Variants in STXBP6 observed in about 807,000 individuals in gnomAD.
STXBP6 encodes the protein syntaxin binding protein 6, also known as syntaxin-binding protein 6.
Under a neutral mutation model 26.9 loss-of-function variants are expected in STXBP6, and 21 were observed. The observed-to-expected ratio is 0.78, with a 90% CI of 0.55 to 1.12. The LOEUF (loss-of-function observed/expected upper bound fraction) is 1.12, where lower values mean the gene tolerates loss of function less well. Ranked by LOEUF, STXBP6 falls within the 50% of genes most tolerant of loss-of-function variation. The pLI is 0.00. For synonymous variants in STXBP6, 97 were observed against 92.6 expected (o/e 1.05, Z -0.27); for missense variants, 232 against 257.9 (o/e 0.90, Z 0.69).
At chr14:24,844,179 T>C (rs1254442048) in intron 4 of STXBP6, among the ~76,000 whole-genome samples, 1 of 152,072 alleles carries the variant, frequency 6.6e-6, no homozygotes, top group African/African-American at 2.4e-5. Context: ...GCAGGGAGGG[T>C]AGCGCACCTC....
chr14:24,848,433 A>T (rs2069036209), intron 4 of STXBP6, among the ~76,000 whole-genome samples: 1 of 152,172 alleles, frequency 6.6e-6, no homozygotes, highest in Non-Finnish European at 1.5e-5. Context: ...TTCTGAAAAT[A>T]GGAACGGCTC....
intron 2 of STXBP6, among the ~76,000 whole-genome samples, chr14:24,907,203 G>T (rs985336386): frequency 2.6e-5 from 4 of 152,054 alleles, no homozygotes; most frequent in African/African-American, 9.7e-5. Context: ...AATGCTGGAG[G>T]TGATGCATAT....
chr14:25,023,938 A>G (rs1234193469), intron 1 of STXBP6, among the ~76,000 whole-genome samples: 1 of 152,232 alleles, frequency 6.6e-6, no homozygotes, highest in African/African-American at 2.4e-5. Flanking sequence ...ATCACTGATT[A>G]TAAGATGCAT....
intron 4 of STXBP6, among the ~76,000 whole-genome samples, chr14:24,844,024 T>A (rs1440904074): frequency 1.3e-5 from 2 of 152,140 alleles, no homozygotes; most frequent in Non-Finnish European, 2.9e-5. Context: ...CATCCTGACC[T>A]CCAGGGAGGG....
At chr14:25,027,143 T>C (rs1052683828) in intron 1 of STXBP6, among the ~76,000 whole-genome samples, 3 of 152,190 alleles carry the variant, frequency 2.0e-5, no homozygotes, top group African/African-American at 7.2e-5. Context: ...GAACCCGTAA[T>C]GCATAGATAC....
intron 2 of STXBP6, among the ~76,000 whole-genome samples, chr14:24,950,776 G>A (rs2073140419): frequency 6.6e-6 from 1 of 152,070 alleles, no homozygotes; most frequent in African/African-American, 2.4e-5. Context: ...AAGTTCTGGG[G>A]TACATGTGCA....
chr14:24,870,861 A>T (rs2069904542), intron 2 of STXBP6, among the ~76,000 whole-genome samples: 1 of 152,212 alleles, frequency 6.6e-6, no homozygotes, highest in South Asian at 2.1e-4. Flanking sequence ...TTAAAAATGC[A>T]TCACAAAAAT....
chr14:25,037,276 C>G (rs2075571864), intron 1 of STXBP6, among the ~76,000 whole-genome samples: 1 of 152,136 alleles, frequency 6.6e-6, no homozygotes, highest in Non-Finnish European at 1.5e-5. Flanking sequence ...GGAATGGAAA[C>G]CAGAACTTCA....
At chr14:24,973,420 C>CT (rs1192966047) in intron 2 of STXBP6, among the ~76,000 whole-genome samples, 2 of 126,278 alleles carry the variant, frequency 1.6e-5, no homozygotes, top group Admixed American at 9.4e-5. Context: ...GAGTCTCACT[C>CT]TGTCAGCCAG....
At chr14:24,849,602 G>A (rs1309551084) in intron 4 of STXBP6, among the ~76,000 whole-genome samples, 1 of 152,092 alleles carries the variant, frequency 6.6e-6, no homozygotes, top group African/African-American at 2.4e-5. Flanking sequence ...TCTGTACTTG[G>A]TGGAGGAAAC....
chr14:25,003,494 G>A (rs150474969), intron 1 of STXBP6, among the ~76,000 whole-genome samples: 1 of 152,270 alleles, frequency 6.6e-6, no homozygotes, highest in Non-Finnish European at 1.5e-5. Context: ...GAATTCTCTG[G>A]AACCTTCAGT....
chr14:24,958,280 C>T (rs970517818), intron 2 of STXBP6, among the ~76,000 whole-genome samples: 2 of 152,136 alleles, frequency 1.3e-5, no homozygotes, highest in Non-Finnish European at 2.9e-5. Context: ...CCTCAAAAGA[C>T]TTTATGTACC....
chr14:24,974,321 C>T (rs1025153801), intron 2 of STXBP6, among the ~76,000 whole-genome samples: 1 of 152,316 alleles, frequency 6.6e-6, no homozygotes, highest in Middle Eastern at 3.4e-3. Flanking sequence ...GACAATTATT[C>T]AGATACCAGC....
intron 2 of STXBP6, among the ~76,000 whole-genome samples, chr14:24,912,026 T>G (rs1404657805): frequency 6.6e-6 from 1 of 152,146 alleles, no homozygotes; most frequent in African/African-American, 2.4e-5. Context: ...ATATTACCAC[T>G]GTATTCAACT....
chr14:24,951,485 C>G (rs1566504208), intron 2 of STXBP6, among the ~76,000 whole-genome samples: 1 of 152,126 alleles, frequency 6.6e-6, no homozygotes, highest in African/African-American at 2.4e-5. Flanking sequence ...TGATGATGAG[C>G]TTTTTTTCAT....
In STXBP6 at chr14:24,974,895, G is replaced by T. The variant is rs1456752500; in HGVS notation, c.-32-45C>A. 4 of 1,333,156 alleles carry T rather than the reference G, an allele frequency of 3.0e-6. No homozygotes were observed. In the South Asian group the frequency reaches 6.3e-5, roughly 21 times the overall value. The allele number at this position is 1,333,156 out of a possible 1,614,324, so 82.6% of individuals were successfully genotyped here. A position where few individuals can be genotyped will look rare whatever the true frequency, so the allele number is the denominator to read the frequency against. Reference sequence around the variant, plus strand: ...AAGGAAAGTTGGAATTGACAACATTGTAAGGGTTCATACAATAATCAGCAG... The same window carrying T: ...AAGGAAAGTTGGAATTGACAACATTTTAAGGGTTCATACAATAATCAGCAG... On this transcript the variant is annotated intron_variant, in intron 1 of 5. Transcript: ENST00000323944.
chr14:24,975,309 A>C (rs2074016480), intron 1 of STXBP6, among the ~76,000 whole-genome samples: 1 of 152,174 alleles, frequency 6.6e-6, no homozygotes, highest in Non-Finnish European at 1.5e-5. Context: ...CATTTCCCTA[A>C]TTCCATTCAT....
At chr14:24,833,637 G>A (rs1043745256) in intron 4 of STXBP6, among the ~76,000 whole-genome samples, 4 of 152,164 alleles carry the variant, frequency 2.6e-5, no homozygotes, top group African/African-American at 7.2e-5. Flanking sequence ...TTGTGCTATT[G>A]TAATCAGCAT....
At chr14:24,954,496 T>G (rs2073274448) in intron 2 of STXBP6, among the ~76,000 whole-genome samples, 2 of 152,152 alleles carry the variant, frequency 1.3e-5, no homozygotes, top group African/African-American at 2.4e-5. Context: ...AGCGGAATCT[T>G]TACTATGTCT....
Sources: gnomAD v4.1 joint callset for allele counts (sites outside exome capture counted in the v4.1 genomes callset) on GRCh38, gnomAD v4.1.1 for gene constraint, MANE v1.5 for transcripts, NCBI Gene and HGNC (gene_info 2026-07-23, HGNC 2026-07-21) for gene names.